The following MACROD2 variants were observed in gnomAD, a reference collection of about 807,000 sequenced individuals.
MACROD2 encodes ADP-ribose glycohydrolase MACROD2.
In MACROD2, 36 loss-of-function variants were observed where a neutral mutation model predicts 70.4. The observed-to-expected ratio is 0.51, with a 90% CI of 0.39 to 0.68. The LOEUF is 0.68. MACROD2 is among the 30% of genes least tolerant of loss of function. The probability of loss-of-function intolerance (pLI) is 0.00; values close to 1 mark genes in which losing one functional copy is unlikely to be tolerated. For synonymous variants in MACROD2, 172 were observed against 178.8 expected (o/e 0.96, Z 0.30); for missense variants, 496 against 538.4 (o/e 0.92, Z 0.78).
intron 5 of MACROD2, among the ~76,000 whole-genome samples, chr20:14,787,011 A>T (rs1164114091): frequency 6.6e-6 from 1 of 152,092 alleles, no homozygotes; most frequent in Admixed American, 6.6e-5. Context: ...TGCAGGCTTA[A>T]GTCTTACATG....
intron 2 of MACROD2, among the ~76,000 whole-genome samples, chr20:14,078,687 C>T (rs928511682): frequency 1.2e-4 from 18 of 152,150 alleles, no homozygotes; most frequent in Admixed American, 7.9e-4. Flanking sequence ...GGATTACAGG[C>T]GTGAGCCACC....
chr20:14,057,147 G>C (rs547031086), intron 2 of MACROD2, among the ~76,000 whole-genome samples: 1 of 152,158 alleles, frequency 6.6e-6, no homozygotes, highest in Admixed American at 6.5e-5. Flanking sequence ...GCCCCTAGAG[G>C]ACAGTATAAG....
intron 3 of MACROD2, among the ~76,000 whole-genome samples, chr20:14,196,193 C>A (rs1158138543): frequency 6.6e-6 from 1 of 152,150 alleles, no homozygotes; most frequent in African/African-American, 2.4e-5. Context: ...TCACCTCCTC[C>A]CCTCTCTCCA....
intron 3 of MACROD2, among the ~76,000 whole-genome samples, chr20:14,357,434 T>A (rs2083182464): frequency 6.6e-6 from 1 of 152,212 alleles, no homozygotes; most frequent in Non-Finnish European, 1.5e-5. Context: ...TTTTTTGCAA[T>A]GTATCTAGAT....
At chr20:14,020,487 T>G (rs949025660) in intron 2 of MACROD2, among the ~76,000 whole-genome samples, 1 of 152,030 alleles carries the variant, frequency 6.6e-6, no homozygotes, top group Non-Finnish European at 1.5e-5. Flanking sequence ...AAAAATAAAA[T>G]TAAATTTAAA....
chr20:14,762,730 G>A (rs371137304), intron 5 of MACROD2, among the ~76,000 whole-genome samples: 1 of 152,148 alleles, frequency 6.6e-6, no homozygotes, highest in East Asian at 1.9e-4. Flanking sequence ...AGGAGTTTGA[G>A]ACCAGCCTGT....
intron 7 of MACROD2, among the ~76,000 whole-genome samples, chr20:15,470,662 G>C (rs1298838408): frequency 1.3e-5 from 2 of 152,130 alleles, no homozygotes; most frequent in African/African-American, 4.8e-5. Flanking sequence ...GCCTCCATCT[G>C]TGGTGGTCCA....
chr20:15,612,849 A>G (rs1458928696), intron 8 of MACROD2, among the ~76,000 whole-genome samples: 1 of 152,220 alleles, frequency 6.6e-6, no homozygotes, highest in Non-Finnish European at 1.5e-5. Context: ...TTCTTTTGAG[A>G]GAAGTGTGTC....
At chr20:15,426,012 T>C (rs1303439783) in intron 6 of MACROD2, among the ~76,000 whole-genome samples, 1 of 152,166 alleles carries the variant, frequency 6.6e-6, no homozygotes, top group Non-Finnish European at 1.5e-5. Context: ...AGACGGACTT[T>C]CAAGGGAATG....
At chr20:14,729,011 A>G (rs1306738359) in intron 5 of MACROD2, among the ~76,000 whole-genome samples, 2 of 152,136 alleles carry the variant, frequency 1.3e-5, no homozygotes, top group Non-Finnish European at 2.9e-5. Context: ...TTCCAATTAG[A>G]TAAATTTCTG....
chr20:15,516,751 G>C (rs912097007), intron 8 of MACROD2, among the ~76,000 whole-genome samples: 1 of 152,190 alleles, frequency 6.6e-6, no homozygotes, highest in Non-Finnish European at 1.5e-5. Flanking sequence ...TAAATTTGGG[G>C]CAAAGTTTAC....
At chr20:15,216,927 T>C (rs2076815578) in intron 5 of MACROD2, among the ~76,000 whole-genome samples, 1 of 152,152 alleles carries the variant, frequency 6.6e-6, no homozygotes, top group Non-Finnish European at 1.5e-5. Context: ...GAAAAATTAA[T>C]TTTGAACCTG....
At chr20:15,172,009 G>C (rs1398829369) in intron 5 of MACROD2, among the ~76,000 whole-genome samples, 1 of 152,190 alleles carries the variant, frequency 6.6e-6, no homozygotes, top group African/African-American at 2.4e-5. Context: ...TCAAATTTTA[G>C]AGCTTTCCAG....
rs573688858 is a variant in MACROD2 at position 16,033,271 on chromosome 20, A to G, written c.1154-7930A>G. ...TTCATGTAGATGTAGAATGCAAGAA[A>G]GCTAATTATGGACAAGGAGAAGGAA... On this transcript the variant is annotated intron_variant, in intron 15 of 17. Transcript: ENST00000684519. Among the ~76,000 whole-genome samples the G allele has an allele frequency of 4.6e-5, 7 of 152,256 alleles. No individual in the cohort carries two copies. The East Asian group carries it at 9.7e-4, about 21-fold the overall frequency.
chr20:14,322,190 A>ATATATATATATG lies in MACROD2; in HGVS notation c.272-171278_272-171277insGTATATATATAT, dbSNP rs1419896739. On this transcript the variant is annotated intron_variant, in intron 3 of 17. Transcript: ENST00000684519. ...ATTCTATTGAAATATATATATATAT[A>ATATATATATATG]TATATATATATTTTGTATTTTGCAA... Among the ~76,000 whole-genome samples the ATATATATATATG allele has an allele frequency of 2.8e-4, 37 of 130,096 alleles. 1 individual carries two copies. The highest frequency in any genetic ancestry group is 8.7e-4 in the African/African-American group (32 of 36,660). 85.3% of individuals were successfully genotyped at this position (130,096 alleles called of 152,430 possible). A position where few individuals can be genotyped will look rare whatever the true frequency, so the allele number is the denominator to read the frequency against.
intron 5 of MACROD2, among the ~76,000 whole-genome samples, chr20:14,880,444 C>A (rs946189797): frequency 9.8e-5 from 15 of 152,292 alleles, no homozygotes; most frequent in Admixed American, 9.2e-4. Flanking sequence ...GATATAAAAT[C>A]TATGGCCATT....
chr20:14,064,219 C>G (rs537987473), intron 2 of MACROD2, among the ~76,000 whole-genome samples: 1 of 152,062 alleles, frequency 6.6e-6, no homozygotes, highest in Non-Finnish European at 1.5e-5. Flanking sequence ...TTTTCCTTTG[C>G]CCTTCCTATA....
chr20:14,663,858 A>C (rs964252087), intron 4 of MACROD2, among the ~76,000 whole-genome samples: 7 of 152,078 alleles, frequency 4.6e-5, no homozygotes, highest in Non-Finnish European at 8.8e-5. Flanking sequence ...TTCTGAGAAG[A>C]CAATTAATTT....
At chr20:14,183,061 T>A (rs62208177) in intron 3 of MACROD2, among the ~76,000 whole-genome samples, 144,617 of 145,770 alleles carry the variant, frequency 0.99, 71,743 homozygotes, top group East Asian at 1. Context: ...CTATGTAACC[T>A]ATTTGTTACA....
Sources: allele counts gnomAD v4.1 joint callset (sites outside exome capture counted in the v4.1 genomes callset), GRCh38; gene constraint gnomAD v4.1.1; transcripts MANE v1.5; gene names NCBI Gene and HGNC (gene_info 2026-07-23, HGNC 2026-07-21).